Variants in CTDP1 observed in about 807,000 individuals in gnomAD.
CTDP1 encodes the protein RNA polymerase II subunit A C-terminal domain phosphatase.
In CTDP1, 47 loss-of-function variants were observed where a neutral mutation model predicts 91.8. The ratio of observed to expected loss-of-function variants is 0.51; its 90% CI spans 0.41 to 0.65. The LOEUF is 0.65. Ranked by LOEUF, CTDP1 falls within the 30% of genes least tolerant of loss-of-function variation. The pLI, the probability that CTDP1 is intolerant of heterozygous loss-of-function variation, is 0.00. For missense variants in CTDP1, 1,272 were observed against 1,373.7 expected, an observed-to-expected ratio of 0.93 and a Z score of 1.17; for synonymous variants, 656 against 598.5, an observed-to-expected ratio of 1.10 and a Z score of -1.40.
In CTDP1 at chr18:79,680,018, G is replaced by A. The variant is rs1013867401; in HGVS notation, c.71G>A (p.Cys24Tyr). 2.4e-6 allele frequency: 3 copies of A among 1,271,978 alleles called. No homozygotes were observed. The highest frequency in any genetic ancestry group is 4.2e-5 in the Admixed American group (1 of 23,680). 78.8% of individuals were successfully genotyped at this position (1,271,978 alleles called of 1,614,324 possible). Residue 24 changes from cysteine to tyrosine, a missense_variant, in exon 1 of 13, where the codon TGC (cysteine) becomes TAC (tyrosine). By Grantham distance (194) the Cys-to-Tyr change is radical (BLOSUM62 -2). Coordinates refer to ENST00000613122, the MANE Select transcript of CTDP1 (RefSeq NM_004715.5). Reference protein sequence around the residue: ...APTAAVAEVRCPGPAPLRLLE... With the variant: ...APTAAVAEVRYPGPAPLRLLE... ...ACGGCGGCTGTGGCCGAGGTGCGCT[G>A]CCCGGGGCCCGCGCCGCTGCGCCTG...
intron 10 of CTDP1, among the ~76,000 whole-genome samples, chr18:79,718,229 C>T (rs748832435): frequency 6.6e-6 from 1 of 152,174 alleles, no homozygotes; most frequent in Non-Finnish European, 1.5e-5. Context: ...AAAACTAAAA[C>T]AAAACCCCGA....
At chr18:79,735,284 C>A (rs1307073804) in intron 11 of CTDP1, among the ~76,000 whole-genome samples, 1 of 152,198 alleles carries the variant, frequency 6.6e-6, no homozygotes, top group Non-Finnish European at 1.5e-5. Context: ...GGTGTGCACC[C>A]CCAGATCCCT....
intron 5 of CTDP1, among the ~76,000 whole-genome samples, chr18:79,707,330 G>T (rs1191776371): frequency 6.6e-6 from 1 of 152,244 alleles, no homozygotes; most frequent in Non-Finnish European, 1.5e-5. Context: ...CCTGAAAGCT[G>T]GAGGGAGCCT....
At position 79,713,381 on chromosome 18, in the gene CTDP1, A is replaced by T. The variant is rs2279104; in HGVS notation, c.1030+243A>T. 9.2e-3 allele frequency among the ~76,000 whole-genome samples: 1,409 copies of T among 152,358 alleles called. 43 individuals carry two copies. Among genetic ancestry groups the T allele is most frequent in the East Asian group, 0.092 (479 of 5,188 alleles). The stretch of plus-strand genomic sequence containing the variant: ...GTTTTCCCAGTTGAATAAAAACTAG[A>T]GGATGCTGTTTAACCTAACACATCC... On this transcript the variant is annotated intron_variant, in intron 7 of 12. Transcript: ENST00000613122. This position sits in a 1 kb window ranked among gnomAD's most constrained non-coding sequence, Gnocchi z 4.7.
At chr18:79,724,876 C>T (rs952462255) in intron 10 of CTDP1, among the ~76,000 whole-genome samples, 6 of 152,192 alleles carry the variant, frequency 3.9e-5, no homozygotes, top group Non-Finnish European at 7.3e-5. Flanking sequence ...TCGCCGGCGC[C>T]GTCCTCCCTC....
intron 1 of CTDP1, among the ~76,000 whole-genome samples, chr18:79,690,793 T>G (rs906556578): frequency 2.6e-5 from 4 of 152,186 alleles, no homozygotes; most frequent in African/African-American, 9.7e-5. Context: ...CTCCAGCCAC[T>G]ACAGGAGTCC....
intron 3 of CTDP1, 86 bp downstream of exon 3, chr18:79,696,156 C>G (rs934693915): frequency 1.7e-6 from 2 of 1,180,474 alleles, no homozygotes; most frequent in Non-Finnish European, 1.2e-6. Context: ...TGCAGAAGCA[C>G]GGACGTGTGG....
chr18:79,704,513 C>T (rs950111293), intron 4 of CTDP1, among the ~76,000 whole-genome samples: 5 of 152,170 alleles, frequency 3.3e-5, no homozygotes, highest in African/African-American at 7.2e-5. Flanking sequence ...TCCTCTGTCC[C>T]GTGTGGAGGG....
intron 8 of CTDP1, among the ~76,000 whole-genome samples, chr18:79,716,342 C>T (rs2086208176): frequency 6.6e-6 from 1 of 152,234 alleles, no homozygotes; most frequent in Non-Finnish European, 1.5e-5. Context: ...TATTTGAGGC[C>T]ACGGCTCTGG....
chr18:79,755,981 A>C (rs896155451), downstream of CTDP1: 14 of 152,330 alleles, frequency 9.2e-5, no homozygotes, highest in Admixed American at 2.6e-4. Context: ...CAGAGCATGC[A>C]GGGGAGATGC....
At position 79,740,824 on chromosome 18, in the gene CTDP1, C is replaced by G. The variant is rs3848479; in HGVS notation, c.2747+4303C>G. ...TCTATATGCAGCCGCCTGCCGGGCA[C>G]TTTCACTCCTTAAAATAAATCCTCA... On this transcript the variant is annotated intron_variant, in intron 12 of 12. Transcript: ENST00000613122. 6.1e-3 allele frequency among the ~76,000 whole-genome samples: 924 copies of G among 152,318 alleles called. 9 individuals are homozygous for G. Among genetic ancestry groups the G allele is most frequent in the African/African-American group, 0.021 (865 of 41,560 alleles).
intron 4 of CTDP1, among the ~76,000 whole-genome samples, chr18:79,698,356 G>A (rs2085789239): frequency 6.6e-6 from 1 of 152,146 alleles, no homozygotes; most frequent in Admixed American, 6.5e-5. Context: ...GGACGTTGGT[G>A]TTGGATGCCT....
chr18:79,712,001 A>G (rs1439448660), intron 6 of CTDP1, among the ~76,000 whole-genome samples: 1 of 13,540 alleles, frequency 7.4e-5, no homozygotes, highest in African/African-American at 2.0e-4. Flanking sequence ...CAGTCCCCAC[A>G]GACTGTGAGA....
chr18:79,679,412 A>G (rs1449473156), upstream of CTDP1: 3 of 455,816 alleles, frequency 6.6e-6, no homozygotes, highest in African/African-American at 6.0e-5. Context: ...ATGGGAGTGG[A>G]GGAGAGCGGC....
chr18:79,739,394 G>C (rs2086729487), intron 12 of CTDP1, among the ~76,000 whole-genome samples: 3 of 151,928 alleles, frequency 2.0e-5, no homozygotes, highest in African/African-American at 7.3e-5. Flanking sequence ...TAGCACCCCT[G>C]GGTTTTTGTG....
rs553215166 is a variant in CTDP1, at chr18:79,713,712, A to G, written c.1030+574A>G. 2.0e-5 allele frequency among the ~76,000 whole-genome samples: 3 copies of G among 152,360 alleles called. No individual in the cohort carries two copies. The highest frequency in any genetic ancestry group is 7.2e-5 in the African/African-American group (3 of 41,598). ...AAAATGGAACTTGGAGGTTAGGACC[A>G]GGGGAGGGTGAAACTAGGGGCATTC... On this transcript the variant is annotated intron_variant, in intron 7 of 12. Transcript: ENST00000613122. This position sits in a 1 kb window ranked among gnomAD's most constrained non-coding sequence, Gnocchi z 4.7.
At chr18:79,749,413 A>C (rs977532219) in intron 12 of CTDP1, among the ~76,000 whole-genome samples, 30 of 151,462 alleles carry the variant, frequency 2.0e-4, no homozygotes, top group Non-Finnish European at 4.1e-4. Context: ...AGCACCCCCG[A>C]GTCTGGCCCC....
chr18:79,696,654 G>A (rs1001696139), intron 3 of CTDP1, among the ~76,000 whole-genome samples: 1 of 152,280 alleles, frequency 6.6e-6, no homozygotes, highest in South Asian at 2.1e-4. Flanking sequence ...TGTTTGCCTT[G>A]TAGCCGACAG....
chr18:79,691,161 G>A (rs558680760), intron 1 of CTDP1, among the ~76,000 whole-genome samples: 10 of 151,890 alleles, frequency 6.6e-5, no homozygotes, highest in Non-Finnish European at 5.9e-5. Flanking sequence ...GTCATCTGCC[G>A]GTGGCACCTC....
Sources: allele counts gnomAD v4.1 joint callset (sites outside exome capture counted in the v4.1 genomes callset), GRCh38; gene constraint gnomAD v4.1.1; non-coding constraint Gnocchi (gnomAD v3.1); transcripts MANE v1.5; gene names NCBI Gene and HGNC (gene_info 2026-07-23, HGNC 2026-07-21).